The following RBFOX1 variants were observed in gnomAD, a reference collection of about 807,000 sequenced individuals.
RBFOX1 encodes RNA binding fox-1 homolog 1, also known as RNA binding protein fox-1 homolog 1.
RBFOX1 carries 8 observed loss-of-function variants against 57.7 expected under a neutral mutation model. The observed-to-expected ratio is 0.14, with a 90% confidence interval of 0.08 to 0.25. The LOEUF is 0.25. Among genes scored for constraint, RBFOX1 ranks in the 10% least tolerant of loss-of-function variants. RBFOX1 has a pLI of 1.00. For synonymous variants in RBFOX1, 326 were observed against 222.4 expected, an observed-to-expected ratio of 1.47 and a Z score of -4.15; for missense variants, 611 against 548.5, an observed-to-expected ratio of 1.11 and a Z score of -1.14.
chr16:6,993,666 C>T (rs2091852583), intron 3 of RBFOX1, among the ~76,000 whole-genome samples: 1 of 152,112 alleles, frequency 6.6e-6, no homozygotes, highest in Admixed American at 6.6e-5. Flanking sequence ...CACTATTTAG[C>T]ATTTGTGTGC....
At chr16:7,566,820 A>T (rs189385852) in intron 5 of RBFOX1, among the ~76,000 whole-genome samples, 1 of 152,074 alleles carries the variant, frequency 6.6e-6, no homozygotes, top group Non-Finnish European at 1.5e-5. Flanking sequence ...AAGGGTGTCT[A>T]TGTATCCTCC....
chr16:6,415,476 G>A (rs1319287384), intron 2 of RBFOX1, among the ~76,000 whole-genome samples: 1 of 151,810 alleles, frequency 6.6e-6, no homozygotes, highest in African/African-American at 2.4e-5. Context: ...GTCGAGGAGG[G>A]CGGATCACGA....
At position 5,899,625 on chromosome 16, in the gene RBFOX1, A is replaced by G. The variant is rs1041537852; in HGVS notation, c.351+32290A>G. Among the ~76,000 whole-genome samples the G allele has an allele frequency of 3.9e-5, 6 of 152,282 alleles. No homozygotes were observed. In the South Asian group the frequency reaches 1.2e-3, roughly 32 times the overall value. On this transcript the variant is annotated intron_variant, in intron 4 of 19. Transcript: ENST00000641259. ...GCTGAGCAAGATTCTGATGTCGGGT[A>G]CCTGATTGGGTCAAAACCCCTCCCT...
intron 4 of RBFOX1, among the ~76,000 whole-genome samples, chr16:7,330,494 GTGTGTGTGTGTGTGTT>G (rs532204590): frequency 0.12 from 15,875 of 130,078 alleles, 1,160 homozygotes; most frequent in African/African-American, 0.22. Context: ...GTGTGTGTGT[GTGTGTGTGTGTGTGTT>G]TGTGTGTGTG....
At chr16:5,829,164 C>A (rs2056179078) in intron 3 of RBFOX1, among the ~76,000 whole-genome samples, 1 of 152,088 alleles carries the variant, frequency 6.6e-6, no homozygotes, top group Non-Finnish European at 1.5e-5. Context: ...TCAATGGGGA[C>A]CATCTTAGAA....
chr16:5,619,566 C>A (rs780929767), intron 3 of RBFOX1, among the ~76,000 whole-genome samples: 9 of 152,186 alleles, frequency 5.9e-5, no homozygotes, highest in Non-Finnish European at 7.3e-5. Flanking sequence ...CGCCAGACTG[C>A]CTCCGGACAG....
intron 3 of RBFOX1, among the ~76,000 whole-genome samples, chr16:5,804,594 G>T (rs559716722): frequency 6.6e-6 from 1 of 152,104 alleles, no homozygotes; most frequent in African/African-American, 2.4e-5. Flanking sequence ...AGGTGAAGGG[G>T]ACCTGCCCTC....
chr16:7,658,677 G>T (rs1403050160), intron 12 of RBFOX1, among the ~76,000 whole-genome samples: 1 of 152,120 alleles, frequency 6.6e-6, no homozygotes, highest in East Asian at 1.9e-4. Flanking sequence ...GTACCTATTA[G>T]GTACCGTGCA....
chr16:7,333,047 A>T (rs779418628), intron 4 of RBFOX1: 1 of 1,613,914 alleles, frequency 6.2e-7, no homozygotes, highest in Non-Finnish European at 8.5e-7. Context: ...TGGCGTGCCT[A>T]TGATTGTACC....
At chr16:5,981,892 C>T (rs2060181186) in intron 4 of RBFOX1, among the ~76,000 whole-genome samples, 1 of 152,220 alleles carries the variant, frequency 6.6e-6, no homozygotes, top group South Asian at 2.1e-4. Flanking sequence ...GGGCGGAGGC[C>T]AGGCAGGCCG....
At chr16:5,918,430 T>C (rs1287411051) in intron 4 of RBFOX1, among the ~76,000 whole-genome samples, 1 of 152,132 alleles carries the variant, frequency 6.6e-6, no homozygotes, top group Non-Finnish European at 1.5e-5. Context: ...AGTTTTACCT[T>C]TTTCCACCAA....
intron 1 of RBFOX1, among the ~76,000 whole-genome samples, chr16:5,340,546 G>T (rs969814932): frequency 1.3e-5 from 2 of 152,176 alleles, no homozygotes; most frequent in Non-Finnish European, 2.9e-5. Context: ...AACAGTTAAA[G>T]AACACATTCA....
At chr16:7,708,043 A>G (rs1482143543) in intron 14 of RBFOX1, among the ~76,000 whole-genome samples, 1 of 152,218 alleles carries the variant, frequency 6.6e-6, no homozygotes, top group East Asian at 1.9e-4. Flanking sequence ...AGTTGCCCTA[A>G]GAGATTCAAG....
chr16:6,636,867 TTA>T (rs571119754), intron 2 of RBFOX1, among the ~76,000 whole-genome samples: 4,097 of 130,872 alleles, frequency 0.031, 239 homozygotes, highest in African/African-American at 0.11. Flanking sequence ...ATAATATATA[TTA>T]TATGTTTAAT....
intron 1 of RBFOX1, among the ~76,000 whole-genome samples, chr16:5,453,414 C>T (rs1215161390): frequency 1.3e-5 from 2 of 152,146 alleles, no homozygotes; most frequent in African/African-American, 4.8e-5. Flanking sequence ...AATACCATGG[C>T]ACACTCTTAG....
In RBFOX1 at chr16:7,664,991, G is replaced by A. The variant is rs747713863; in HGVS notation, c.930+23G>A. ...TATGTAAGTATTCATTCACGTGCAT[G>A]CCATCCCCGTTTCCTCCTGGAGTCA... On this transcript the variant is annotated intron_variant, in intron 13 of 15. Transcript: ENST00000550418. The A allele has an allele frequency of 1.6e-5, 26 of 1,613,754 alleles. No homozygotes were observed. The South Asian group carries it at 2.4e-4, about 15-fold the overall frequency.
At chr16:7,333,858 C>G (rs1319602023) in intron 4 of RBFOX1, among the ~76,000 whole-genome samples, 5 of 152,098 alleles carry the variant, frequency 3.3e-5, no homozygotes, top group Non-Finnish European at 7.4e-5. Flanking sequence ...AAGCTAACAT[C>G]TACTAGCGAT....
intron 3 of RBFOX1, among the ~76,000 whole-genome samples, chr16:6,734,121 T>C (rs927625047): frequency 6.6e-6 from 1 of 152,178 alleles, no homozygotes; most frequent in East Asian, 1.9e-4. Context: ...TGCACAGGGA[T>C]CCGCCAGAAT....
chr16:6,936,582 T>G (rs957234372), intron 3 of RBFOX1, among the ~76,000 whole-genome samples: 2 of 152,138 alleles, frequency 1.3e-5, no homozygotes, highest in African/African-American at 2.4e-5. Context: ...GTTTCCTGTA[T>G]ATGCCAGCCT....
Sources: allele counts gnomAD v4.1 joint callset (sites outside exome capture counted in the v4.1 genomes callset), GRCh38; gene constraint gnomAD v4.1.1; transcripts MANE v1.5; gene names NCBI Gene and HGNC (gene_info 2026-07-23, HGNC 2026-07-21).